Variants in EMC9 observed in about 807,000 individuals in gnomAD.
EMC9 encodes ER membrane protein complex subunit 9.
In EMC9, 20 loss-of-function variants were observed where a neutral mutation model predicts 25.0. The observed-to-expected ratio is 0.80, with a 90% confidence interval of 0.56 to 1.16. The LOEUF is 1.16. Ranked by LOEUF, EMC9 falls within the 50% of genes most tolerant of loss-of-function variation. EMC9 has a pLI of 0.00. For synonymous variants in EMC9, 100 were observed against 107.0 expected (o/e 0.93, Z 0.40); for missense variants, 256 against 268.7 (o/e 0.95, Z 0.33).
chr14:24,141,079 G>T (rs763164061), intron 2 of EMC9, 28 bp downstream of exon 2: 7 of 1,613,786 alleles, frequency 4.3e-6, no homozygotes, highest in Non-Finnish European at 5.9e-6. Context: ...TGGGTTCGCG[G>T]TGGGGGATGG....
At position 24,139,082 on chromosome 14, in the gene EMC9, G is replaced by A. The variant is rs1012300584; in HGVS notation, c.555C>T (p.Asp185=). The A allele has an allele frequency of 2.5e-6, 4 of 1,613,970 alleles. No homozygotes were observed. Among genetic ancestry groups the A allele is most frequent in the Non-Finnish European group, 3.4e-6 (4 of 1,180,054 alleles). ...GAGTGTTGAGCCGCTGGTTGGTCCA[G>A]TCCTGCCGGATGTCATCAAGGTGGC... The part of the protein sequence containing the change: ...FDCHLDDIRQ[D]WTNQRLNTQI... Residue 185 remains aspartate, a synonymous_variant, in exon 6 of 6, where the codon GAC becomes GAT. Coordinates refer to ENST00000216799, the MANE Select transcript of EMC9 (RefSeq NM_016049.4). This position sits in a 1 kb window ranked among gnomAD's most constrained non-coding sequence, Gnocchi z 4.6.
At position 24,141,537 on chromosome 14, in the gene EMC9, C is replaced by G; in HGVS notation, c.-112G>C. The G allele has an allele frequency of 1.7e-6, 1 of 599,142 alleles. No individual in the cohort carries two copies. The highest frequency in any genetic ancestry group is 1.9e-5 in the African/African-American group (1 of 53,940). The allele number at this position is 599,142 out of a possible 1,614,324, so 37.1% of individuals were successfully genotyped here. The stretch of plus-strand genomic sequence containing the variant: ...CCCCCGGCCCAGTCCAGGAGGAGGT[C>G]CCGATTGCATCCGAGCCCCGCCTTC... On this transcript the variant is annotated 5_prime_UTR_variant, in exon 1 of 6. Coordinates refer to ENST00000216799, the MANE Select transcript of EMC9 (RefSeq NM_016049.4).
intron 3 of EMC9, chr14:24,140,569 G>A (rs577205099): frequency 7.8e-4 from 193 of 246,814 alleles, no homozygotes; most frequent in African/African-American, 4.0e-3. Flanking sequence ...ACTCCAGCCT[G>A]GGAGACAGAG....
At chr14:24,140,616 T>G (rs1053372831) in intron 3 of EMC9, among the ~76,000 whole-genome samples, 1 of 149,312 alleles carries the variant, frequency 6.7e-6, no homozygotes, top group Non-Finnish European at 1.5e-5. Context: ...AAAATCAGTC[T>G]GTTGATACAC....
At position 24,141,099 on chromosome 14, in the gene EMC9, G is replaced by A; in HGVS notation, c.198+8C>T. 2 of 1,614,040 alleles carry A rather than the reference G, an allele frequency of 1.2e-6. No individual in the cohort carries two copies. Among genetic ancestry groups the A allele is most frequent in the Admixed American group, 1.7e-5 (1 of 60,032 alleles). ...TCGCGGTGGGGGATGGGCATCCAAC[G>A]GAGGCACCTGGTTGAGGGCGACCTC... On this transcript the variant is annotated splice_region_variant and intron_variant, in intron 2 of 5. Coordinates refer to ENST00000216799, the MANE Select transcript of EMC9 (RefSeq NM_016049.4).
At position 24,141,223 on chromosome 14, in the gene EMC9, C is replaced by T. The variant is rs765991720; in HGVS notation, c.82G>A (p.Gly28Arg). 10 of 1,614,070 alleles carry T rather than the reference C, an allele frequency of 6.2e-6. No individual in the cohort carries two copies. The Admixed American group carries it at 6.7e-5, about 11-fold the overall frequency. The change falls in exon 2 of 6, where the codon GGG becomes AGG. Residue 28 changes from glycine to arginine, a missense_variant. Transcript: ENST00000216799. Reference sequence around the variant, plus strand: ...CGCGGCGCTGGCGCCAAAAACAGCCCGTTGACTGCGGCGTGTGGGTACCGG... The same window carrying T: ...CGCGGCGCTGGCGCCAAAAACAGCCTGTTGACTGCGGCGTGTGGGTACCGG... The part of the protein sequence containing the change: ...AARYPHAAVN[G>R]LFLAPAPRSG...
At position 24,141,463 on chromosome 14, in the gene EMC9, G is replaced by C. The variant is rs1394064385; in HGVS notation, c.-38C>G. The C allele has an allele frequency of 2.5e-6, 2 of 790,402 alleles. No individual in the cohort carries two copies. The highest frequency in any genetic ancestry group is 2.0e-6 in the Non-Finnish European group (1 of 496,460). 49.0% of individuals were successfully genotyped at this position (790,402 alleles called of 1,614,324 possible). On this transcript the variant is annotated 5_prime_UTR_variant, in exon 1 of 6. Transcript: ENST00000216799. Reference sequence around the variant, plus strand: ...TTCGGTTCGGCGACAACGCTAACTCGACTCGCAGGTAGCCCGCCGGCTCCC... The same window carrying C: ...TTCGGTTCGGCGACAACGCTAACTCCACTCGCAGGTAGCCCGCCGGCTCCC...
chr14:24,141,240 G>C lies in EMC9; in HGVS notation c.65C>G (p.Pro22Arg). ...VKMCLHAARY[P>R]HAAVNGLFLA... is the part of the protein sequence containing the mutation. The stretch of plus-strand genomic sequence containing the variant: ...AAACAGCCCGTTGACTGCGGCGTGT[G>C]GGTACCGGGCAGCATGCAGGCACAT... The change falls in exon 2 of 6, where the codon CCA becomes CGA. Residue 22 changes from proline to arginine, a missense_variant. Coordinates refer to ENST00000216799, the MANE Select transcript of EMC9 (RefSeq NM_016049.4). 6.2e-7 allele frequency: 1 copy of C among 1,614,200 alleles called. No homozygotes were observed. Among genetic ancestry groups the C allele is most frequent in the South Asian group, 1.1e-5 (1 of 91,084 alleles).
At position 24,141,583 on chromosome 14, in the gene EMC9, C is replaced by A. The variant is rs528985311; in HGVS notation, c.-158G>T. 3.6e-4 allele frequency: 209 copies of A among 573,092 alleles called. No individual in the cohort carries two copies. In the African/African-American group the frequency reaches 3.7e-3, roughly 10 times the overall value. 35.5% of individuals were successfully genotyped at this position (573,092 alleles called of 1,614,324 possible). On this transcript the variant is annotated 5_prime_UTR_variant, in exon 1 of 6. Transcript: ENST00000216799. ...CCTTCCCGCGCCCCTAGCTGGCGGC[C>A]GCGACTCTGCGCCTGCCTGGGAGAC...
chr14:24,141,010 C>T, intron 2 of EMC9, 45 bp from the exon 3 acceptor site: 1 of 1,614,098 alleles, frequency 6.2e-7, no homozygotes, highest in East Asian at 2.2e-5. Flanking sequence ...GTGCCGCTGG[C>T]TTTGTGGATG....
In EMC9 at chr14:24,141,279, A is replaced by C; in HGVS notation, c.26T>G (p.Leu9Arg). The C allele has an allele frequency of 6.2e-7, 1 of 1,606,606 alleles. No homozygotes were observed. The highest frequency in any genetic ancestry group is 8.5e-7 in the Non-Finnish European group (1 of 1,176,362). The part of the protein sequence containing the change: MGEVEISA[L>R]AYVKMCLHAA... ...ATGCAGGCACATCTTCACGTAGGCC[A>C]GGGCCGAGATCTCCACCTCCCCCAT... The change falls in exon 2 of 6, where the codon CTG (leucine) becomes CGG (arginine). Residue 9 changes from leucine (L) to arginine (R), a missense_variant. Leu to Arg is a moderately radical substitution (Grantham distance 102). Transcript: ENST00000216799.
Position 24,141,293 on chromosome 14 carries a change from C to T in EMC9, c.12G>A (p.Val4=). The T allele has an allele frequency of 6.2e-7, 1 of 1,614,096 alleles. No individual in the cohort carries two copies. The highest frequency in any genetic ancestry group is 8.5e-7 in the Non-Finnish European group (1 of 1,180,028). The change falls in exon 2 of 6, where the codon GTG becomes GTA. Residue 4 remains valine (V), a synonymous_variant. Transcript: ENST00000216799. MGE[V]EISALAYVKM... is the part of the protein sequence containing the mutation. Reference sequence around the variant, plus strand: ...TCACGTAGGCCAGGGCCGAGATCTCCACCTCCCCCATGGCGAGCGAGGCCT... The same window carrying T: ...TCACGTAGGCCAGGGCCGAGATCTCTACCTCCCCCATGGCGAGCGAGGCCT...
At chr14:24,141,043 G>A in intron 2 of EMC9, 64 bp downstream of exon 2, 1 of 1,613,568 alleles carries the variant, frequency 6.2e-7, no homozygotes, top group Non-Finnish European at 8.5e-7. Flanking sequence ...AAGGGACCGG[G>A]GATGAACTTG....
intron 3 of EMC9, among the ~76,000 whole-genome samples, 163 bp downstream of exon 3, chr14:24,140,725 AG>A (rs2139056802): frequency 6.6e-6 from 1 of 152,288 alleles, no homozygotes; most frequent in Admixed American, 6.5e-5. Context: ...CCTGGTGTAA[AG>A]CCCCTGCTCC....
chr14:24,141,118 C>G lies in EMC9; in HGVS notation c.187G>C (p.Ala63Pro). ...TCCAACGGAGGCACCTGGTTGAGGG[C>G]GACCTCCAACATGACGGACAGGGCC... is the stretch of plus-strand genomic sequence containing the variant. Reference protein sequence around the residue: ...HLALSVMLEVALNQVDVWGAQ... With the variant: ...HLALSVMLEVPLNQVDVWGAQ... Residue 63 changes from alanine (A) to proline (P), a missense_variant, in exon 2 of 6, where the codon GCC (alanine) becomes CCC (proline). Physicochemically the swap from Ala to Pro is conservative, Grantham distance 27. Transcript: ENST00000216799. 6.2e-7 allele frequency: 1 copy of G among 1,613,980 alleles called. No individual in the cohort carries two copies. The highest frequency in any genetic ancestry group is 8.5e-7 in the Non-Finnish European group (1 of 1,180,040).
chr14:24,139,449 A>G lies in EMC9; in HGVS notation c.351T>C (p.Asp117=). The G allele has an allele frequency of 6.2e-7, 1 of 1,614,206 alleles. No individual in the cohort carries two copies. The highest frequency in any genetic ancestry group is 8.5e-7 in the Non-Finnish European group (1 of 1,180,028). ...GAGGCTGAGGCACCAGTTTCTGATT[A>G]TCCAACTGAGTGGACAAAGATGGGC... ...FFPDAVLIML[D]NQKLVPQPRV... Residue 117 remains aspartate, a synonymous_variant, in exon 5 of 6, where the codon GAT becomes GAC. Coordinates refer to ENST00000216799, the MANE Select transcript of EMC9 (RefSeq NM_016049.4). This position sits in a 1 kb window ranked among gnomAD's most constrained non-coding sequence, Gnocchi z 4.6.
chr14:24,139,652 T>C lies in EMC9; in HGVS notation c.276-38A>G. 1.2e-6 allele frequency: 2 copies of C among 1,604,516 alleles called. No homozygotes were observed. The highest frequency in any genetic ancestry group is 4.5e-5 in the East Asian group (2 of 44,548). ...AAGATCAGAGGAGTGAGGAGCCAAC[T>C]GTGGGCAAAACCCATCCATTTGAGC... On this transcript the variant is annotated intron_variant, in intron 3 of 5. Coordinates refer to ENST00000216799, the MANE Select transcript of EMC9 (RefSeq NM_016049.4). The surrounding 1 kb of genome is among the most constrained non-coding windows in gnomAD (Gnocchi z 4.6).
chr14:24,139,886 G>C lies in EMC9; in HGVS notation c.276-272C>G, dbSNP rs2038010251. On this transcript the variant is annotated intron_variant, in intron 3 of 5. Transcript: ENST00000216799. This position sits in a 1 kb window ranked among gnomAD's most constrained non-coding sequence, Gnocchi z 4.6. ...TGGCATAACCATCCAAATTGAAACT[G>C]TATACATACTATACATATGCTGACC... 1.3e-6 allele frequency: 1 copy of C among 757,436 alleles called. No homozygotes were observed. Among genetic ancestry groups the C allele is most frequent in the Non-Finnish European group, 2.1e-6 (1 of 468,166 alleles). 46.9% of individuals were successfully genotyped at this position (757,436 alleles called of 1,614,324 possible). A position where few individuals can be genotyped will look rare whatever the true frequency, so the allele number is the denominator to read the frequency against.
chr14:24,141,481 C>G lies in EMC9; in HGVS notation c.-56G>C. 1.4e-6 allele frequency: 1 copy of G among 692,624 alleles called. No individual in the cohort carries two copies. The highest frequency in any genetic ancestry group is 2.6e-5 in the Admixed American group (1 of 38,448). The allele number at this position is 692,624 out of a possible 1,614,324, so 42.9% of individuals were successfully genotyped here. On this transcript the variant is annotated 5_prime_UTR_variant, in exon 1 of 6. Transcript: ENST00000216799. Reference sequence around the variant, plus strand: ...CTAACTCGACTCGCAGGTAGCCCGCCGGCTCCCGGCGCCCTGGGTCCCGGA... The same window carrying G: ...CTAACTCGACTCGCAGGTAGCCCGCGGGCTCCCGGCGCCCTGGGTCCCGGA...
Sources: gnomAD v4.1 joint callset for allele counts (sites outside exome capture counted in the v4.1 genomes callset) on GRCh38, gnomAD v4.1.1 for gene constraint, Gnocchi (gnomAD v3.1) non-coding constraint, MANE v1.5 for transcripts, NCBI Gene and HGNC (gene_info 2026-07-23, HGNC 2026-07-21) for gene names.